Variants in NR2C1 observed in about 807,000 individuals in gnomAD.
NR2C1 encodes the protein TR2 nuclear hormone receptor.
A neutral mutation model predicts 74.8 loss-of-function variants in NR2C1; 33 were observed. The ratio of observed to expected loss-of-function variants is 0.44; its 90% CI spans 0.33 to 0.59. The LOEUF is 0.59. NR2C1 is among the 20% of genes least tolerant of loss of function. The pLI is 0.02. For missense variants in NR2C1, 568 were observed against 715.6 expected (o/e 0.79, Z 2.35); for synonymous variants, 225 against 240.6 (o/e 0.94, Z 0.60).
Position 95,065,871 on chromosome 12 carries a change from A to T in NR2C1, c.54+1460T>A, listed in dbSNP as rs1226049780. Among the ~76,000 whole-genome samples, 9 of 151,806 alleles carry T rather than the reference A, an allele frequency of 5.9e-5. No individual in the cohort carries two copies. The East Asian group carries it at 1.7e-3, about 29-fold the overall frequency. On this transcript the variant is annotated intron_variant, in intron 2 of 13. Transcript: ENST00000333003. The stretch of plus-strand genomic sequence containing the variant: ...AGGCTGAGGCAGGAGAATCCATTGA[A>T]CCAGGGAGGCGGAGGTTGCAGTGAG...
intron 9 of NR2C1, among the ~76,000 whole-genome samples, chr12:95,046,990 AG>A (rs1872399010): frequency 6.6e-6 from 1 of 152,218 alleles, no homozygotes; most frequent in Non-Finnish European, 1.5e-5. Context: ...AATCCTAAGA[AG>A]AAAAAAAAGT....
At chr12:95,038,132 T>C (rs7297049) in intron 10 of NR2C1, among the ~76,000 whole-genome samples, 1,816 of 152,294 alleles carry the variant, frequency 0.012, 31 homozygotes, top group African/African-American at 0.041. Context: ...GGTTGTTACA[T>C]TGAAACTGAT....
chr12:95,062,554 TTGA>T lies in NR2C1; in HGVS notation c.236_238del (p.Val79_Asn80delinsAsp). 6.2e-7 allele frequency: 1 copy of T among 1,613,194 alleles called. No individual in the cohort carries two copies. Among genetic ancestry groups the T allele is most frequent in the Non-Finnish European group, 8.5e-7 (1 of 1,179,450 alleles). On this transcript the variant is annotated inframe_deletion, in exon 3 of 14. Transcript: ENST00000333003. ...ATCAGGAGTGGTAAAAAATAACTGG[TTGA>T]CACCTGCTGCATCTGGAGTTGTAAG...
At chr12:95,046,602 T>G (rs547395187) in intron 9 of NR2C1, among the ~76,000 whole-genome samples, 20 of 151,632 alleles carry the variant, frequency 1.3e-4, no homozygotes, top group Non-Finnish European at 2.5e-4. Context: ...AAAAAAAAAA[T>G]TAAAAATTCT....
rs1877042755 is a variant in NR2C1, at chr12:95,073,377, T to C, written c.-8+3A>G. 1 of 152,266 alleles carries C rather than the reference T, an allele frequency of 6.6e-6. No homozygotes were observed. The highest frequency in any genetic ancestry group is 6.5e-5 in the Admixed American group (1 of 15,292). 9.4% of individuals were successfully genotyped at this position (152,266 alleles called of 1,614,324 possible). ...GCTGGTGTCCCCACCCAGCGTTTCT[T>C]ACCGGCGCTTTTGCGCCCTGCTGAC... On this transcript the variant is annotated splice_donor_region_variant and intron_variant, in intron 1 of 13. Transcript: ENST00000333003.
intron 11 of NR2C1, among the ~76,000 whole-genome samples, chr12:95,031,060 T>A (rs564382374): frequency 1.3e-5 from 2 of 152,338 alleles, no homozygotes; most frequent in South Asian, 4.1e-4. Flanking sequence ...CACCTCTACA[T>A]AAGCTCACCC....
chr12:95,064,025 C>CAA lies in NR2C1; in HGVS notation c.55-1289_55-1288dup, dbSNP rs36124945. Among the ~76,000 whole-genome samples the CAA allele has an allele frequency of 9.2e-3, 638 of 69,162 alleles. 11 individuals are homozygous for CAA. The highest frequency in any genetic ancestry group is 0.012 in the African/African-American group (200 of 16,182). The allele number at this position is 69,162 out of a possible 152,430, so 45.4% of individuals were successfully genotyped here. ...GCCTGGGCGACAGAGGACTCTGCCT[C>CAA]AAAAAAAAAAAAAAAAAAAAGGGGA... On this transcript the variant is annotated intron_variant, in intron 2 of 13. Transcript: ENST00000333003.
At chr12:95,039,291 T>G (rs1871225479) in intron 10 of NR2C1, among the ~76,000 whole-genome samples, 2 of 152,230 alleles carry the variant, frequency 1.3e-5, no homozygotes, top group Non-Finnish European at 2.9e-5. Context: ...TTTACAATCA[T>G]GTTCACATAT....
chr12:95,049,909 C>G (rs925888207), intron 8 of NR2C1, among the ~76,000 whole-genome samples: 1 of 152,160 alleles, frequency 6.6e-6, no homozygotes, highest in Non-Finnish European at 1.5e-5. Context: ...AAGCGATCCT[C>G]CCACCTCAAC....
chr12:95,028,319 T>C, intron 12 of NR2C1, 68 bp downstream of exon 12: 2 of 1,341,978 alleles, frequency 1.5e-6, no homozygotes, highest in Non-Finnish European at 2.1e-6. Flanking sequence ...ACTTGCAACA[T>C]ATGAGGGCTT....
intron 10 of NR2C1, among the ~76,000 whole-genome samples, chr12:95,038,551 A>G (rs1322005572): frequency 1.3e-5 from 2 of 152,242 alleles, no homozygotes; most frequent in African/African-American, 4.8e-5. Flanking sequence ...TGAGGCCAGC[A>G]GTTTGAGAAC....
At chr12:95,028,596 C>T in intron 11 of NR2C1, 72 bp from the exon 12 acceptor site, 1 of 1,164,122 alleles carries the variant, frequency 8.6e-7, no homozygotes, top group Non-Finnish European at 1.2e-6. Flanking sequence ...CAATATATTT[C>T]CCTCTCAGGA....
At chr12:95,064,652 G>A (rs117964942) in intron 2 of NR2C1, among the ~76,000 whole-genome samples, 91 of 152,194 alleles carry the variant, frequency 6.0e-4, no homozygotes, top group East Asian at 5.8e-3. Context: ...CATCTGGGGG[G>A]GAGGAACAAG....
intron 10 of NR2C1, among the ~76,000 whole-genome samples, chr12:95,033,746 T>C (rs898026259): frequency 7.2e-5 from 11 of 152,114 alleles, no homozygotes; most frequent in African/African-American, 2.7e-4. Flanking sequence ...AGGCAGAGAC[T>C]CCCTTGCGCA....
Position 95,057,631 on chromosome 12 carries a change from C to T in NR2C1, c.705G>A (p.Leu235=), listed in dbSNP as rs1164372306. The T allele has an allele frequency of 6.2e-7, 1 of 1,613,746 alleles. No individual in the cohort carries two copies. The highest frequency in any genetic ancestry group is 1.7e-5 in the Admixed American group (1 of 59,940). The change falls in exon 7 of 14, where the codon CTG becomes CTA. Residue 235 remains leucine (L), a synonymous_variant. Coordinates refer to ENST00000333003, the MANE Select transcript of NR2C1 (RefSeq NM_003297.4). ...TATTCATGAACATTCCTGAATCTAA[C>T]AGTCCTGTTGACCTGTAACAAATCA... is the stretch of plus-strand genomic sequence containing the variant. The part of the protein sequence containing the change: ...TDSESTRSTG[L]LDSGMFMNIH...
chr12:95,050,604 C>T lies in NR2C1; in HGVS notation c.965+1158G>A, dbSNP rs566388081. 2.6e-5 allele frequency among the ~76,000 whole-genome samples: 4 copies of T among 151,992 alleles called. 1 individual carries two copies. The highest frequency in any genetic ancestry group is 9.7e-5 in the African/African-American group (4 of 41,450). On this transcript the variant is annotated intron_variant, in intron 8 of 13. Coordinates refer to ENST00000333003, the MANE Select transcript of NR2C1 (RefSeq NM_003297.4). ...GATTACAGGCATACGCCACCGTGCCCGGCCAATTCAGCGTATTTTTATCAT... is the reference window on the plus strand; with the variant it reads ...GATTACAGGCATACGCCACCGTGCCTGGCCAATTCAGCGTATTTTTATCAT...
At chr12:95,067,195 A>C in intron 2 of NR2C1, 136 bp downstream of exon 2, 2 of 742,748 alleles carry the variant, frequency 2.7e-6, no homozygotes, top group Non-Finnish European at 4.7e-6. Flanking sequence ...TTATTCAACT[A>C]TCTCTCAGTA....
chr12:95,049,903 G>C (rs530379598), intron 8 of NR2C1, among the ~76,000 whole-genome samples: 1 of 152,176 alleles, frequency 6.6e-6, no homozygotes, highest in South Asian at 2.1e-4. Flanking sequence ...TCAAGCAAGC[G>C]ATCCTCCCAC....
chr12:95,048,066 T>C (rs1444275842), intron 9 of NR2C1, among the ~76,000 whole-genome samples: 1 of 152,130 alleles, frequency 6.6e-6, no homozygotes, highest in Non-Finnish European at 1.5e-5. Flanking sequence ...TATTAAATAA[T>C]TTGTATCTTT....
Sources: gnomAD v4.1 joint callset for allele counts (sites outside exome capture counted in the v4.1 genomes callset) on GRCh38, gnomAD v4.1.1 for gene constraint, MANE v1.5 for transcripts, NCBI Gene and HGNC (gene_info 2026-07-23, HGNC 2026-07-21) for gene names.